The following GABBR2 variants were observed in gnomAD, a reference collection of about 807,000 sequenced individuals.
GABBR2 encodes the protein gamma-aminobutyric acid type B receptor subunit 2.
GABBR2 carries 23 observed loss-of-function variants against 105.6 expected under a neutral mutation model. The ratio of observed to expected loss-of-function variants is 0.22; its 90% CI spans 0.16 to 0.31. The LOEUF is 0.31. Ranked by LOEUF, GABBR2 falls within the 10% of genes least tolerant of loss-of-function variation. The pLI, the probability that GABBR2 is intolerant of heterozygous loss-of-function variation, is 1.00. For missense variants in GABBR2, 734 were observed against 1,245.5 expected (o/e 0.59, Z 6.18); for synonymous variants, 478 against 499.7 (o/e 0.96, Z 0.58).
intron 3 of GABBR2, among the ~76,000 whole-genome samples, chr9:98,541,642 G>T (rs941040931): frequency 5.9e-5 from 9 of 152,204 alleles, no homozygotes; most frequent in Non-Finnish European, 1.3e-4. Flanking sequence ...CCAATAAAAA[G>T]AATGAAAGGG....
chr9:98,473,499 AG>A (rs1304595193), intron 5 of GABBR2, among the ~76,000 whole-genome samples, 153 bp from the exon 6 acceptor site: 2 of 152,210 alleles, frequency 1.3e-5, no homozygotes, highest in Admixed American at 6.5e-5. Flanking sequence ...TATTTATCAA[AG>A]GATCCAAGGT....
intron 2 of GABBR2, among the ~76,000 whole-genome samples, chr9:98,575,151 G>A (rs1374117225): frequency 6.6e-6 from 1 of 152,134 alleles, no homozygotes; most frequent in Admixed American, 6.5e-5. Context: ...ACACTGGGCT[G>A]TGCACAAGCT....
intron 3 of GABBR2, among the ~76,000 whole-genome samples, chr9:98,498,522 A>G (rs1827330823): frequency 6.6e-6 from 1 of 152,234 alleles, no homozygotes; most frequent in African/African-American, 2.4e-5. Context: ...GAAGGGAGAC[A>G]AAACAGACTG....
At chr9:98,482,833 T>G (rs371827014) in intron 4 of GABBR2, among the ~76,000 whole-genome samples, 17 of 152,118 alleles carry the variant, frequency 1.1e-4, no homozygotes, top group Non-Finnish European at 2.1e-4. Flanking sequence ...TGCTCTCTGC[T>G]GGCTCCCCTC....
At chr9:98,447,581 A>G (rs893946352) in intron 7 of GABBR2, among the ~76,000 whole-genome samples, 1 of 149,500 alleles carries the variant, frequency 6.7e-6, no homozygotes, top group Admixed American at 6.7e-5. Flanking sequence ...GTGTAAAATT[A>G]TATTTTGACT....
At chr9:98,324,494 ACAC>A (rs1830884305) in intron 13 of GABBR2, among the ~76,000 whole-genome samples, 1 of 760 alleles carries the variant, frequency 1.3e-3, no homozygotes. Context: ...TACAGAGCCG[ACAC>A]ACACACACAC....
chr9:98,542,332 G>A (rs990628686), intron 2 of GABBR2, among the ~76,000 whole-genome samples: 1 of 152,138 alleles, frequency 6.6e-6, no homozygotes, highest in African/African-American at 2.4e-5. Flanking sequence ...TTTCTATGCA[G>A]TGATTGAATT....
intron 3 of GABBR2, among the ~76,000 whole-genome samples, chr9:98,513,016 C>T (rs1827682262): frequency 1.3e-5 from 2 of 152,064 alleles, no homozygotes; most frequent in South Asian, 4.2e-4. Context: ...TACTACAAGG[C>T]TACAGTAACC....
intron 13 of GABBR2, among the ~76,000 whole-genome samples, chr9:98,360,030 C>T (rs141647877): frequency 5.9e-5 from 9 of 152,230 alleles, no homozygotes; most frequent in Non-Finnish European, 1.0e-4. Context: ...AAGGCTAGGA[C>T]GCGTACCATA....
chr9:98,461,498 A>T (rs186860822), intron 6 of GABBR2, among the ~76,000 whole-genome samples: 1 of 152,336 alleles, frequency 6.6e-6, no homozygotes, highest in Non-Finnish European at 1.5e-5. Flanking sequence ...CCTTTTCAAT[A>T]AATAGTCCTG....
intron 13 of GABBR2, among the ~76,000 whole-genome samples, chr9:98,342,810 G>A (rs1024041499): frequency 5.9e-5 from 9 of 152,196 alleles, no homozygotes; most frequent in Admixed American, 6.5e-5. Flanking sequence ...GGCAGACCCT[G>A]GTCTCCAGCA....
At chr9:98,330,233 A>T (rs558674225) in intron 13 of GABBR2, among the ~76,000 whole-genome samples, 4 of 152,122 alleles carry the variant, frequency 2.6e-5, no homozygotes, top group African/African-American at 9.6e-5. Context: ...TGGAATATCG[A>T]CTCCTTGAGG....
intron 1 of GABBR2, among the ~76,000 whole-genome samples, chr9:98,583,511 C>T (rs1272551897): frequency 6.6e-6 from 1 of 152,228 alleles, no homozygotes; most frequent in African/African-American, 2.4e-5. Flanking sequence ...GGCTTCATTG[C>T]TAGCAGCAAA....
chr9:98,700,423 G>C (rs1396311154), intron 1 of GABBR2, among the ~76,000 whole-genome samples: 2 of 152,174 alleles, frequency 1.3e-5, no homozygotes, highest in Admixed American at 6.5e-5. Context: ...GAGTTGGGTG[G>C]GGATTCTAGA....
At chr9:98,463,688 A>T (rs2779596) in intron 6 of GABBR2, among the ~76,000 whole-genome samples, 152,049 of 152,232 alleles carry the variant, frequency 1, 75,933 homozygotes, top group Middle Eastern at 1. Flanking sequence ...GAGCCTGGGC[A>T]GTACTGCCGT....
chr9:98,614,518 G>A (rs762379959), intron 1 of GABBR2, among the ~76,000 whole-genome samples: 4 of 151,864 alleles, frequency 2.6e-5, no homozygotes, highest in East Asian at 1.9e-4. Context: ...AGATTGAAAC[G>A]GTGTCTCAAA....
chr9:98,691,676 C>T (rs986895218), intron 1 of GABBR2, among the ~76,000 whole-genome samples: 1 of 152,202 alleles, frequency 6.6e-6, no homozygotes, highest in African/African-American at 2.4e-5. Context: ...CGGTCAGTCA[C>T]CTATGTGCTG....
intron 6 of GABBR2, among the ~76,000 whole-genome samples, chr9:98,458,371 T>G (rs974303300): frequency 1.3e-5 from 2 of 152,208 alleles, no homozygotes; most frequent in South Asian, 2.1e-4. Flanking sequence ...CTGGTTCCCG[T>G]GCTGCCGTTT....
At chr9:98,463,723 T>C (rs1826475316) in intron 6 of GABBR2, among the ~76,000 whole-genome samples, 2 of 151,946 alleles carry the variant, frequency 1.3e-5, no homozygotes, top group Admixed American at 6.6e-5. Context: ...GCAACCTCCC[T>C]GCCTCGGGCT....
Sources: gnomAD v4.1 joint callset for allele counts (sites outside exome capture counted in the v4.1 genomes callset) on GRCh38, gnomAD v4.1.1 for gene constraint, MANE v1.5 for transcripts, NCBI Gene and HGNC (gene_info 2026-07-23, HGNC 2026-07-21) for gene names.